The following BORCS5 variants were observed in gnomAD, a reference collection of about 807,000 sequenced individuals.
BORCS5 encodes the protein BLOC-1-related complex subunit 5.
Under a neutral mutation model 22.1 loss-of-function variants are expected in BORCS5, and 17 were observed. The observed-to-expected ratio is 0.77, with a 90% confidence interval of 0.53 to 1.15. The LOEUF is 1.15. Ranked by LOEUF, BORCS5 falls within the 50% of genes most tolerant of loss-of-function variation. The pLI is 0.00. For missense variants in BORCS5, 247 were observed against 253.2 expected, an observed-to-expected ratio of 0.98 and a Z score of 0.17; for synonymous variants, 117 against 99.8, an observed-to-expected ratio of 1.17 and a Z score of -1.03.
chr12:12,442,103 G>A (rs146720028), intron 3 of BORCS5, among the ~76,000 whole-genome samples: 2 of 152,346 alleles, frequency 1.3e-5, no homozygotes, highest in East Asian at 3.9e-4. Context: ...CCCTGGGGGC[G>A]AGGGATGAGG....
chr12:12,375,878 C>G (rs539489646), intron 2 of BORCS5, among the ~76,000 whole-genome samples: 2 of 152,024 alleles, frequency 1.3e-5, no homozygotes, highest in African/African-American at 4.8e-5. Context: ...AATCTCAGCT[C>G]GCTGCAACCT....
intron 2 of BORCS5, among the ~76,000 whole-genome samples, chr12:12,399,650 A>AC (rs1941424653): frequency 6.6e-6 from 1 of 151,952 alleles, no homozygotes; most frequent in South Asian, 2.1e-4. Flanking sequence ...TAAAAGAAAA[A>AC]CCCTCTGAGA....
intron 3 of BORCS5, among the ~76,000 whole-genome samples, chr12:12,445,496 C>CTTTTTTTTTT (rs5796492): frequency 4.4e-5 from 2 of 45,774 alleles, no homozygotes; most frequent in Non-Finnish European, 3.8e-5. Flanking sequence ...ACATGCATTG[C>CTTTTTTTTTT]TTTTTTTTTT....
At chr12:12,460,416 G>A (rs1297520020) in intron 3 of BORCS5, among the ~76,000 whole-genome samples, 1 of 152,146 alleles carries the variant, frequency 6.6e-6, no homozygotes, top group African/African-American at 2.4e-5. Context: ...GATTTTCTAA[G>A]TGTATTATCA....
Position 12,445,944 on chromosome 12 carries a change from CTGTTT to C in BORCS5, c.360+10181_360+10185del, listed in dbSNP as rs1040500229. ...AGGCATGAGCCACCATACCTAGCTTCTGTTTTGTTTTGTTTTGTTTTGTTTTCTCA... is the reference window on the plus strand; with the variant it reads ...AGGCATGAGCCACCATACCTAGCTTCTGTTTTGTTTTGTTTTGTTTTCTCA... On this transcript the variant is annotated intron_variant, in intron 3 of 3. Transcript: ENST00000314565. Among the ~76,000 whole-genome samples the C allele has an allele frequency of 5.9e-5, 9 of 151,906 alleles. No individual in the cohort carries two copies. In the East Asian group the frequency reaches 9.7e-4, roughly 16 times the overall value.
chr12:12,435,797 C>T lies in BORCS5; in HGVS notation c.360+12C>T, dbSNP rs115913895. The T allele has an allele frequency of 1.6e-4, 260 of 1,603,052 alleles. No homozygotes were observed. The African/African-American group carries it at 2.5e-3, about 15-fold the overall frequency. ...AACGAATCAAAGAGGTAATGTGCTG[C>T]GGGAAAATAACATTGCTGACTGGTT... On this transcript the variant is annotated intron_variant, in intron 3 of 3. Transcript: ENST00000314565.
chr12:12,419,457 G>A (rs918132792), intron 2 of BORCS5, among the ~76,000 whole-genome samples: 3 of 152,164 alleles, frequency 2.0e-5, no homozygotes, highest in African/African-American at 7.2e-5. Flanking sequence ...ATGGACATTT[G>A]GGTTGGTTCC....
At chr12:12,420,392 T>C (rs1352562306) in intron 2 of BORCS5, among the ~76,000 whole-genome samples, 1 of 152,212 alleles carries the variant, frequency 6.6e-6, no homozygotes, top group Non-Finnish European at 1.5e-5. Context: ...TCTGTTCTGT[T>C]CCATTGGTCT....
Position 12,357,304 on chromosome 12 carries a change from A to C in BORCS5, c.-148A>C. 6.9e-7 allele frequency: 1 copy of C among 1,457,886 alleles called. No individual in the cohort carries two copies. The allele number at this position is 1,457,886 out of a possible 1,614,324, so 90.3% of individuals were successfully genotyped here. ...CCGCCCAGGCCCCTGCGTGGGCTGG[A>C]CGCGTCAGCCCCACACATTAGCCTC... On this transcript the variant is annotated 5_prime_UTR_variant, in exon 1 of 4. Transcript: ENST00000314565.
chr12:12,419,671 AG>A (rs1285073451), intron 2 of BORCS5, among the ~76,000 whole-genome samples: 1 of 152,186 alleles, frequency 6.6e-6, no homozygotes, highest in Non-Finnish European at 1.5e-5. Flanking sequence ...ACGGTGTAAA[AG>A]TGTTCCTGTT....
chr12:12,455,648 A>G (rs556878629), intron 3 of BORCS5, among the ~76,000 whole-genome samples: 18 of 152,162 alleles, frequency 1.2e-4, no homozygotes, highest in South Asian at 2.1e-4. Flanking sequence ...GCGTGGTGGC[A>G]CACACCTGTA....
chr12:12,426,049 G>C (rs1191845936), intron 2 of BORCS5, among the ~76,000 whole-genome samples: 1 of 152,148 alleles, frequency 6.6e-6, no homozygotes, highest in Non-Finnish European at 1.5e-5. Context: ...TTGAATTAAG[G>C]GAAGTTAAAT....
intron 3 of BORCS5, among the ~76,000 whole-genome samples, chr12:12,448,132 G>A (rs981592511): frequency 6.6e-6 from 1 of 152,220 alleles, no homozygotes; most frequent in Admixed American, 6.5e-5. Context: ...TGCAGGCTCA[G>A]AGCTAACGTC....
chr12:12,444,544 C>G (rs113524771), intron 3 of BORCS5, among the ~76,000 whole-genome samples: 3,048 of 152,282 alleles, frequency 0.02, 42 homozygotes, highest in Middle Eastern at 0.071. Context: ...ACAGCTAACT[C>G]CAAAGAGGCT....
chr12:12,451,789 T>G (rs1942913920), intron 3 of BORCS5, among the ~76,000 whole-genome samples: 2 of 151,874 alleles, frequency 1.3e-5, no homozygotes, highest in Non-Finnish European at 2.9e-5. Context: ...GTGGTGGCGC[T>G]CGCCTGTAGT....
At chr12:12,357,564 G>C (rs376422895) in intron 1 of BORCS5, 55 bp downstream of exon 1, 3 of 1,563,520 alleles carry the variant, frequency 1.9e-6, no homozygotes, top group East Asian at 4.6e-5. Context: ...CTTGCAGAGC[G>C]GGCTGCCTCC....
intron 3 of BORCS5, among the ~76,000 whole-genome samples, chr12:12,440,646 A>C (rs1256002784): frequency 1.3e-5 from 2 of 148,776 alleles, no homozygotes; most frequent in Non-Finnish European, 3.0e-5. Context: ...TGAGAGGAAG[A>C]GGGGGGCATT....
At chr12:12,363,330 C>A (rs1000120813) in intron 2 of BORCS5, among the ~76,000 whole-genome samples, 49 of 150,096 alleles carry the variant, frequency 3.3e-4, no homozygotes, top group Non-Finnish European at 1.3e-4. Flanking sequence ...CCAGGCGCTG[C>A]GGCTCATGCC....
chr12:12,402,065 CAAA>C (rs550592058), intron 2 of BORCS5, among the ~76,000 whole-genome samples: 69 of 94,326 alleles, frequency 7.3e-4, no homozygotes, highest in East Asian at 2.6e-3. Flanking sequence ...GACTCCGTCT[CAAA>C]AAAAAAAAAA....
Sources: allele counts gnomAD v4.1 joint callset (sites outside exome capture counted in the v4.1 genomes callset), GRCh38; gene constraint gnomAD v4.1.1; transcripts MANE v1.5; gene names NCBI Gene and HGNC (gene_info 2026-07-23, HGNC 2026-07-21).